OLA1: variants seen among roughly 807,000 people sequenced by gnomAD.
OLA1 encodes the protein obg-like ATPase 1.
OLA1 carries 14 observed loss-of-function variants against 48.4 expected under a neutral mutation model. The ratio of observed to expected loss-of-function variants is 0.29; its 90% CI spans 0.19 to 0.45. The LOEUF (loss-of-function observed/expected upper bound fraction) is 0.45, where lower values mean the gene tolerates loss of function less well. Ranked by LOEUF, OLA1 falls within the 20% of genes least tolerant of loss-of-function variation. The pLI, the probability that OLA1 is intolerant of heterozygous loss-of-function variation, is 1.00. For missense variants in OLA1, 325 were observed against 467.1 expected, an observed-to-expected ratio of 0.70 and a Z score of 2.80; for synonymous variants, 127 against 150.4, an observed-to-expected ratio of 0.84 and a Z score of 1.14.
At chr2:174,089,096 C>A (rs1405518875) in intron 7 of OLA1, among the ~76,000 whole-genome samples, 2 of 151,974 alleles carry the variant, frequency 1.3e-5, no homozygotes, top group African/African-American at 4.8e-5. Flanking sequence ...GTAGTCCTAG[C>A]TACTTGGGAG....
At chr2:174,175,266 TG>T (rs1687395261) in intron 4 of OLA1, among the ~76,000 whole-genome samples, 1 of 142,136 alleles carries the variant, frequency 7.0e-6, no homozygotes, top group African/African-American at 2.6e-5. Flanking sequence ...AACATCCTAA[TG>T]AAAAATTTTG....
At chr2:174,112,170 C>A (rs960894764) in intron 7 of OLA1, among the ~76,000 whole-genome samples, 1 of 152,112 alleles carries the variant, frequency 6.6e-6, no homozygotes, top group Non-Finnish European at 1.5e-5. Flanking sequence ...CCTTGTCTAC[C>A]TTTCCAGCAT....
At chr2:174,175,632 A>G (rs546182041) in intron 4 of OLA1, among the ~76,000 whole-genome samples, 23 of 152,210 alleles carry the variant, frequency 1.5e-4, no homozygotes, top group African/African-American at 4.8e-4. Flanking sequence ...TCAAAATGTT[A>G]CAGTCACTTT....
chr2:174,156,974 T>C (rs12471500), intron 4 of OLA1, among the ~76,000 whole-genome samples: 19,478 of 150,846 alleles, frequency 0.13, 1,448 homozygotes, highest in East Asian at 0.21. Context: ...AGTTGACTGT[T>C]GGGTAGTAGT....
intron 2 of OLA1, among the ~76,000 whole-genome samples, chr2:174,237,595 C>T (rs774554083): frequency 8.6e-5 from 13 of 152,010 alleles, no homozygotes; most frequent in Non-Finnish European, 1.3e-4. Context: ...AAAAATATAT[C>T]TTTTTAATTA....
At chr2:174,095,238 T>C (rs1169662406) in intron 7 of OLA1, among the ~76,000 whole-genome samples, 5 of 152,002 alleles carry the variant, frequency 3.3e-5, no homozygotes, top group African/African-American at 4.8e-5. Context: ...CTGTTTTCCA[T>C]AGTGGCTGCA....
chr2:174,222,958 A>G lies in OLA1; in HGVS notation c.373+75T>C. The G allele has an allele frequency of 3.5e-6, 5 of 1,448,946 alleles. No individual in the cohort carries two copies. The East Asian group carries it at 9.2e-5, about 27-fold the overall frequency. 89.8% of individuals were successfully genotyped at this position (1,448,946 alleles called of 1,614,324 possible). On this transcript the variant is annotated intron_variant, in intron 4 of 10. Coordinates refer to ENST00000284719, the MANE Select transcript of OLA1 (RefSeq NM_013341.5). Reference sequence around the variant, plus strand: ...AGCAATCTTCCATTAGTCATTTCTAATTTTATTTGTGCACTAATGGAAAGA... The same window carrying G: ...AGCAATCTTCCATTAGTCATTTCTAGTTTTATTTGTGCACTAATGGAAAGA...
At chr2:174,247,951 A>C in intron 1 of OLA1, 1 of 756,408 alleles carries the variant, frequency 1.3e-6, no homozygotes, top group South Asian at 1.9e-5. Context: ...AAACTGTCCC[A>C]GTCTTCTGGC....
intron 4 of OLA1, among the ~76,000 whole-genome samples, chr2:174,210,641 G>A (rs1688220363): frequency 1.3e-5 from 2 of 152,086 alleles, no homozygotes; most frequent in South Asian, 4.1e-4. Flanking sequence ...TACCTAAATT[G>A]CATACAGTTA....
At chr2:174,168,382 C>T (rs977936229) in intron 4 of OLA1, among the ~76,000 whole-genome samples, 2 of 103,614 alleles carry the variant, frequency 1.9e-5, no homozygotes, top group Middle Eastern at 4.8e-3. Context: ...TCTACTAATA[C>T]AAAACCAAAA....
At chr2:174,144,951 A>AAAAAAAAAAAAATAT (rs1181030817) in intron 4 of OLA1, among the ~76,000 whole-genome samples, 6 of 40,296 alleles carry the variant, frequency 1.5e-4, no homozygotes, top group Non-Finnish European at 2.4e-4. Flanking sequence ...AAAAAAAAAA[A>AAAAAAAAAAAAATAT]ATATATATAT....
chr2:174,186,615 A>G (rs1188320566), intron 4 of OLA1, among the ~76,000 whole-genome samples: 3 of 152,196 alleles, frequency 2.0e-5, no homozygotes, highest in Non-Finnish European at 4.4e-5. Flanking sequence ...CTGGACACAC[A>G]GGTTCCCTGC....
chr2:174,223,369 T>C (rs1688547131), intron 3 of OLA1, among the ~76,000 whole-genome samples: 1 of 152,124 alleles, frequency 6.6e-6, no homozygotes, highest in South Asian at 2.1e-4. Flanking sequence ...GGATAATAAG[T>C]GAGAAAACTA....
At chr2:174,107,566 A>G (rs1209218773) in intron 7 of OLA1, among the ~76,000 whole-genome samples, 1 of 152,146 alleles carries the variant, frequency 6.6e-6, no homozygotes, top group East Asian at 1.9e-4. Flanking sequence ...TATCCTAAAA[A>G]CATTTCCCCA....
At chr2:174,241,095 C>A (rs888442428) in intron 2 of OLA1, among the ~76,000 whole-genome samples, 1 of 152,162 alleles carries the variant, frequency 6.6e-6, no homozygotes, top group Non-Finnish European at 1.5e-5. Flanking sequence ...TATAAGGAAG[C>A]TTGGTCTAGA....
rs1447967334 is a variant in OLA1 at position 174,123,679 on chromosome 2, C to T, written c.550-4G>A. ...ATTTTACTTTGCACATTATATCCTACACATGATTGAGAAAAAGGTAAATAT... is the reference window on the plus strand; with the variant it reads ...ATTTTACTTTGCACATTATATCCTATACATGATTGAGAAAAAGGTAAATAT... On this transcript the variant is annotated splice_region_variant and splice_polypyrimidine_tract_variant and intron_variant, in intron 5 of 10. Coordinates refer to ENST00000284719, the MANE Select transcript of OLA1 (RefSeq NM_013341.5). 3 of 1,503,402 alleles carry T rather than the reference C, an allele frequency of 2.0e-6. No individual in the cohort carries two copies. Among genetic ancestry groups the T allele is most frequent in the Non-Finnish European group, 2.7e-6 (3 of 1,110,356 alleles). The allele number at this position is 1,503,402 out of a possible 1,614,324, so 93.1% of individuals were successfully genotyped here. A position where few individuals can be genotyped will look rare whatever the true frequency, so the allele number is the denominator to read the frequency against.
Position 174,235,329 on chromosome 2 carries a change from G to C in OLA1, c.102-5878C>G, listed in dbSNP as rs185483828. On this transcript the variant is annotated intron_variant, in intron 2 of 10. Coordinates refer to ENST00000284719, the MANE Select transcript of OLA1 (RefSeq NM_013341.5). The stretch of plus-strand genomic sequence containing the variant: ...GAAAGTAAATAAGTCCCAAATCATA[G>C]ATTTCTATGAAAGAACAGGCATTCT... Among the ~76,000 whole-genome samples the C allele has an allele frequency of 3.7e-4, 57 of 152,226 alleles. 1 individual carries two copies. The Middle Eastern group carries it at 0.014, about 36-fold the overall frequency.
intron 1 of OLA1, 34 bp downstream of exon 1, chr2:174,248,418 G>T: frequency 6.2e-6 from 1 of 161,236 alleles, no homozygotes. Context: ...AGACCTGGCG[G>T]AGATCGCGCC....
In OLA1 at chr2:174,075,211, G is replaced by T; in HGVS notation, c.*215C>A. 2 of 434,568 alleles carry T rather than the reference G, an allele frequency of 4.6e-6. No homozygotes were observed. The highest frequency in any genetic ancestry group is 4.1e-6 in the Non-Finnish European group (1 of 243,764). The allele number at this position is 434,568 out of a possible 1,614,324, so 26.9% of individuals were successfully genotyped here. A position where few individuals can be genotyped will look rare whatever the true frequency, so the allele number is the denominator to read the frequency against. On this transcript the variant is annotated 3_prime_UTR_variant, in exon 11 of 11. Coordinates refer to ENST00000284719, the MANE Select transcript of OLA1 (RefSeq NM_013341.5). Reference sequence around the variant, plus strand: ...CAATTTGGAGTAGGGTCTTAATCACGTGAAAAGCAAAGCTGTTCACATTTA... The same window carrying T: ...CAATTTGGAGTAGGGTCTTAATCACTTGAAAAGCAAAGCTGTTCACATTTA...
Sources: allele counts gnomAD v4.1 joint callset (sites outside exome capture counted in the v4.1 genomes callset), GRCh38; gene constraint gnomAD v4.1.1; transcripts MANE v1.5; gene names NCBI Gene and HGNC (gene_info 2026-07-23, HGNC 2026-07-21).